FAF1: variants seen among roughly 807,000 people sequenced by gnomAD.
FAF1 encodes Fas associated factor 1.
A neutral mutation model predicts 92.5 loss-of-function variants in FAF1; 25 were observed. The observed-to-expected ratio is 0.27, with a 90% CI of 0.20 to 0.38. The LOEUF (loss-of-function observed/expected upper bound fraction) is 0.38. Ranked by LOEUF, FAF1 falls within the 10% of genes least tolerant of loss-of-function variation. FAF1 has a pLI of 1.00. For missense variants in FAF1, 636 were observed against 793.3 expected (o/e 0.80, Z 2.38); for synonymous variants, 234 against 273.2 (o/e 0.86, Z 1.42).
intron 18 of FAF1, among the ~76,000 whole-genome samples, chr1:50,460,599 A>ATATGTG (rs1646414026): frequency 6.6e-6 from 1 of 151,308 alleles, no homozygotes; most frequent in Non-Finnish European, 1.5e-5. Context: ...GTATGTATAT[A>ATATGTG]TATGTGTGTG....
Position 50,555,949 on chromosome 1 carries a change from G to A in FAF1, c.1268+11128C>T, listed in dbSNP as rs140529843. 6.7e-3 allele frequency among the ~76,000 whole-genome samples: 1,023 copies of A among 151,774 alleles called. 5 individuals are homozygous for A. Among genetic ancestry groups the A allele is most frequent in the Middle Eastern group, 0.024 (7 of 292 alleles). ...TTAGGTGTGTGTATATATACATGGT[G>A]TATATATATGGTATGTGTATATATT... On this transcript the variant is annotated intron_variant, in intron 13 of 18. Coordinates refer to ENST00000396153, the MANE Select transcript of FAF1 (RefSeq NM_007051.3).
intron 1 of FAF1, among the ~76,000 whole-genome samples, chr1:50,908,905 G>A (rs1193935709): frequency 6.6e-6 from 1 of 152,178 alleles, no homozygotes; most frequent in Non-Finnish European, 1.5e-5. Flanking sequence ...GTGTGAATTT[G>A]ATCCTGTCTT....
At chr1:50,828,105 A>G (rs889491186) in intron 2 of FAF1, among the ~76,000 whole-genome samples, 7 of 152,220 alleles carry the variant, frequency 4.6e-5, no homozygotes, top group Admixed American at 1.3e-4. Flanking sequence ...CAAGACTTTT[A>G]ATAAATAAAA....
chr1:50,623,813 T>C (rs1024139797), intron 8 of FAF1, among the ~76,000 whole-genome samples: 1 of 151,700 alleles, frequency 6.6e-6, no homozygotes, highest in Non-Finnish European at 1.5e-5. Flanking sequence ...CATGGTGGTA[T>C]GCGCCTGTAG....
At chr1:50,475,000 AC>A (rs1646620673) in intron 18 of FAF1, among the ~76,000 whole-genome samples, 1 of 152,178 alleles carries the variant, frequency 6.6e-6, no homozygotes, top group Non-Finnish European at 1.5e-5. Context: ...AATACAGGTC[AC>A]CCTCTGTAAC....
intron 8 of FAF1, among the ~76,000 whole-genome samples, chr1:50,597,991 C>T (rs752496948): frequency 1.3e-5 from 2 of 152,100 alleles, no homozygotes; most frequent in Non-Finnish European, 2.9e-5. Context: ...CAATATTTTC[C>T]ATCTCGAAAC....
At chr1:50,634,290 C>T (rs959108655) in intron 8 of FAF1, among the ~76,000 whole-genome samples, 2 of 152,166 alleles carry the variant, frequency 1.3e-5, no homozygotes, top group East Asian at 1.9e-4. Flanking sequence ...GTTTATAATG[C>T]TATCTTCACA....
chr1:50,577,395 C>T (rs544460617), intron 12 of FAF1, among the ~76,000 whole-genome samples: 9 of 152,158 alleles, frequency 5.9e-5, no homozygotes, highest in South Asian at 2.1e-4. Flanking sequence ...CGTGGTGGCA[C>T]GCACCTGTAG....
intron 1 of FAF1, among the ~76,000 whole-genome samples, chr1:50,875,157 T>C (rs1242826295): frequency 6.6e-6 from 1 of 152,124 alleles, no homozygotes; most frequent in East Asian, 1.9e-4. Context: ...ATCTATTGTT[T>C]TGTTACAAAA....
At chr1:50,554,154 C>T (rs773886225) in intron 13 of FAF1, among the ~76,000 whole-genome samples, 3 of 149,818 alleles carry the variant, frequency 2.0e-5, no homozygotes, top group South Asian at 2.1e-4. Flanking sequence ...TTATCTAGTA[C>T]ATTTTTGTTG....
chr1:50,860,842 T>A (rs891451906), intron 1 of FAF1, among the ~76,000 whole-genome samples: 1 of 151,840 alleles, frequency 6.6e-6, no homozygotes, highest in Non-Finnish European at 1.5e-5. Flanking sequence ...CATGTGCCCA[T>A]CAACAATGGA....
At chr1:50,575,358 A>G (rs149547019) in intron 12 of FAF1, among the ~76,000 whole-genome samples, 1 of 152,330 alleles carries the variant, frequency 6.6e-6, no homozygotes, top group African/African-American at 2.4e-5. Context: ...CAAATATACT[A>G]TTTAGTAGAA....
intron 1 of FAF1, among the ~76,000 whole-genome samples, chr1:50,886,878 C>T (rs1426416334): frequency 1.3e-5 from 2 of 152,150 alleles, no homozygotes; most frequent in Non-Finnish European, 2.9e-5. Context: ...ACTTATAATC[C>T]TCTGGGTATA....
intron 12 of FAF1, among the ~76,000 whole-genome samples, chr1:50,570,511 T>C (rs1333810239): frequency 6.6e-6 from 1 of 151,968 alleles, no homozygotes; most frequent in African/African-American, 2.4e-5. Flanking sequence ...AAACATGAGA[T>C]GCCAGGAAAA....
intron 3 of FAF1, among the ~76,000 whole-genome samples, chr1:50,795,512 G>T (rs1661716789): frequency 6.6e-6 from 1 of 152,192 alleles, no homozygotes; most frequent in Non-Finnish European, 1.5e-5. Flanking sequence ...ACTTACTAAA[G>T]ATTCAGTTAT....
At chr1:50,649,423 T>C (rs556289488) in intron 8 of FAF1, among the ~76,000 whole-genome samples, 1 of 152,204 alleles carries the variant, frequency 6.6e-6, no homozygotes, top group Non-Finnish European at 1.5e-5. Flanking sequence ...AGTGCTGGAT[T>C]ACAGGTGTGA....
chr1:50,604,393 T>C (rs1021656536), intron 8 of FAF1, among the ~76,000 whole-genome samples: 1 of 152,224 alleles, frequency 6.6e-6, no homozygotes, highest in Admixed American at 6.5e-5. Context: ...TCCTCTCACT[T>C]AACAGGAAAA....
chr1:50,931,319 TC>T (rs1324960666), intron 1 of FAF1, among the ~76,000 whole-genome samples: 3 of 152,224 alleles, frequency 2.0e-5, no homozygotes, highest in Non-Finnish European at 4.4e-5. Context: ...TGTTATACTT[TC>T]TTATCTGCAT....
At chr1:50,903,142 C>A (rs1644809524) in intron 1 of FAF1, among the ~76,000 whole-genome samples, 1 of 151,968 alleles carries the variant, frequency 6.6e-6, no homozygotes, top group Non-Finnish European at 1.5e-5. Flanking sequence ...GTGCACAACA[C>A]AGATACCTGT....
Sources: allele counts gnomAD v4.1 joint callset (sites outside exome capture counted in the v4.1 genomes callset), GRCh38; gene constraint gnomAD v4.1.1; transcripts MANE v1.5; gene names NCBI Gene and HGNC (gene_info 2026-07-23, HGNC 2026-07-21).